LLGL2: variants seen among roughly 807,000 people sequenced by gnomAD.
LLGL2 encodes the protein LLGL2, scribble cell polarity complex component.
In LLGL2, 81 loss-of-function variants were observed where a neutral mutation model predicts 123.2. That is an observed-to-expected ratio of 0.66 (90% CI 0.55 to 0.79). The LOEUF is 0.79. Among genes scored for constraint, LLGL2 ranks in the 30% least tolerant of loss-of-function variants. The pLI is 0.00. For missense variants in LLGL2, 1,273 were observed against 1,414.6 expected, an observed-to-expected ratio of 0.90 and a Z score of 1.61; for synonymous variants, 577 against 594.1, an observed-to-expected ratio of 0.97 and a Z score of 0.42.
Position 75,558,667 on chromosome 17 carries a change from G to C in LLGL2, c.371+40G>C. The C allele has an allele frequency of 1.3e-6, 2 of 1,490,488 alleles. No homozygotes were observed. Among genetic ancestry groups the C allele is most frequent in the Non-Finnish European group, 1.8e-6 (2 of 1,090,908 alleles). 92.3% of individuals were successfully genotyped at this position (1,490,488 alleles called of 1,614,324 possible). ...CCCAGCCCCTTCCACTCCCAGCCCA[G>C]CCTGACCCTTGCCCTTAGCTCTGGA... On this transcript the variant is annotated intron_variant, in intron 5 of 25. Transcript: ENST00000392550. This position sits in a 1 kb window ranked among gnomAD's most constrained non-coding sequence, Gnocchi z 4.0.
rs773040901 is a variant in LLGL2 at position 75,563,794 on chromosome 17, C to A, written c.869C>A (p.Thr290Asn). The change falls in exon 9 of 26, where the codon ACC becomes AAC. Residue 290 changes from threonine (T) to asparagine (N), a missense_variant. Physicochemically the swap from Thr to Asn is moderately conservative, Grantham distance 65 (BLOSUM62 0). Coordinates refer to ENST00000392550, the MANE Select transcript of LLGL2 (RefSeq NM_001031803.2). ...GCGATTACCAGAATCCTCTGGCTGA[C>A]CACTAGGCAGGGGTAGGTATCCATG... is the stretch of plus-strand genomic sequence containing the variant. ...CKAITRILWL[T>N]TRQGLPFTIF... 16 of 1,613,994 alleles carry A rather than the reference C, an allele frequency of 9.9e-6. No individual in the cohort carries two copies. The South Asian group carries it at 1.5e-4, about 16-fold the overall frequency.
intron 1 of LLGL2, among the ~76,000 whole-genome samples, chr17:75,529,213 T>C (rs551785163): frequency 3.4e-4 from 52 of 152,122 alleles, no homozygotes; most frequent in Non-Finnish European, 6.6e-4. Context: ...TTTTTTTTTC[T>C]TTGAGACGAA....
Position 75,574,500 on chromosome 17 carries a change from G to T in LLGL2, c.2996+5G>T. The T allele has an allele frequency of 6.4e-7, 1 of 1,561,886 alleles. No homozygotes were observed. Among genetic ancestry groups the T allele is most frequent in the Non-Finnish European group, 8.7e-7 (1 of 1,154,330 alleles). Reference sequence around the variant, plus strand: ...CACACTGGAGGGAGACCGCGGGTGAGGCACCGCCCAGGCCAGCTGGGGTGG... The same window carrying T: ...CACACTGGAGGGAGACCGCGGGTGATGCACCGCCCAGGCCAGCTGGGGTGG... On this transcript the variant is annotated splice_donor_5th_base_variant and intron_variant, in intron 24 of 25. Coordinates refer to ENST00000392550, the MANE Select transcript of LLGL2 (RefSeq NM_001031803.2).
chr17:75,569,507 G>A (rs16968009), intron 14 of LLGL2, among the ~76,000 whole-genome samples, 182 bp downstream of exon 14: 13,075 of 152,212 alleles, frequency 0.086, 543 homozygotes, highest in Middle Eastern at 0.21. Flanking sequence ...TCCAGAAATC[G>A]GAATTAAGGG....
chr17:75,560,834 AAAG>A (rs1368196491), intron 6 of LLGL2, among the ~76,000 whole-genome samples: 5 of 83,402 alleles, frequency 6.0e-5, no homozygotes, highest in Admixed American at 9.8e-5. Context: ...AAAAAAAAAC[AAAG>A]AAAAAACATT....
intron 11 of LLGL2, 28 bp downstream of exon 11, chr17:75,568,721 GC>G (rs757944023): frequency 6.2e-7 from 1 of 1,613,054 alleles, no homozygotes; most frequent in African/African-American, 1.3e-5. Flanking sequence ...CCCAGCCCCA[GC>G]CCCACCGCAA....
rs769349711 is a variant in LLGL2, at chr17:75,570,065, G to C, written c.1684G>C (p.Glu562Gln). 5.0e-6 allele frequency: 8 copies of C among 1,612,508 alleles called. No individual in the cohort carries two copies. The highest frequency in any genetic ancestry group is 6.8e-6 in the Non-Finnish European group (8 of 1,179,768). ...AGAGGGCTACCGCTGGAAGGGGCACGAGCGCCTGGCAGCCCGCTCAGGGCC... is the reference window on the plus strand; with the variant it reads ...AGAGGGCTACCGCTGGAAGGGGCACCAGCGCCTGGCAGCCCGCTCAGGGCC... ...DQEGYRWKGH[E>Q]RLAARSGPVR... is the part of the protein sequence containing the mutation. The change falls in exon 15 of 26, where the codon GAG (glutamate) becomes CAG (glutamine). Residue 562 changes from glutamate (E) to glutamine (Q), a missense_variant. Physicochemically the swap from Glu to Gln is conservative, Grantham distance 29. Coordinates refer to ENST00000392550, the MANE Select transcript of LLGL2 (RefSeq NM_001031803.2).
At chr17:75,563,597 C>A in intron 8 of LLGL2, 134 bp downstream of exon 8, 1 of 1,486,670 alleles carries the variant, frequency 6.7e-7, no homozygotes, top group Non-Finnish European at 9.2e-7. Context: ...GCAGGGTTCG[C>A]CTCACCCAGT....
Position 75,574,858 on chromosome 17 carries a change from CTG to C in LLGL2, c.3056-9_3056-8del, listed in dbSNP as rs762514835. 46 of 1,613,930 alleles carry C rather than the reference CTG, an allele frequency of 2.9e-5. No homozygotes were observed. Among genetic ancestry groups the C allele is most frequent in the Middle Eastern group, 1.6e-4 (1 of 6,084 alleles). On this transcript the variant is annotated splice_polypyrimidine_tract_variant and intron_variant, in intron 25 of 25. Coordinates refer to ENST00000392550, the MANE Select transcript of LLGL2 (RefSeq NM_001031803.2). ...CCCAGGGTGATCTTGAGCTGTCCCT[CTG>C]TGTCCTTCAGCAGAGTGAGTGGCTG... is the stretch of plus-strand genomic sequence containing the variant.
intron 17 of LLGL2, chr17:75,571,388 G>A: frequency 1.7e-6 from 1 of 580,822 alleles, no homozygotes. Context: ...TGTAAATGAG[G>A]AAGTGACAGC....
Position 75,541,715 on chromosome 17 carries a change from C to CT in LLGL2, c.-30-1651dup, listed in dbSNP as rs56656168. Among the ~76,000 whole-genome samples the CT allele has an allele frequency of 2.9e-3, 93 of 31,546 alleles. 12 individuals carry two copies. Among genetic ancestry groups the CT allele is most frequent in the Admixed American group, 4.8e-3 (9 of 1,864 alleles). The allele number at this position is 31,546 out of a possible 152,430, so 20.7% of individuals were successfully genotyped here. The stretch of plus-strand genomic sequence containing the variant: ...TTCACTCAAGGGGGATGTGGCTCTG[C>CT]TTTTTTTTTTTTTTTTTTTTTTTTT... On this transcript the variant is annotated intron_variant, in intron 1 of 25. Coordinates refer to ENST00000392550, the MANE Select transcript of LLGL2 (RefSeq NM_001031803.2).
In LLGL2 at chr17:75,559,885, A is replaced by G. The variant is rs2055120853; in HGVS notation, c.530+475A>G. Among the ~76,000 whole-genome samples, 1 of 152,142 alleles carries G rather than the reference A, an allele frequency of 6.6e-6. No homozygotes were observed. The highest frequency in any genetic ancestry group is 2.4e-5 in the African/African-American group (1 of 41,426). ...TGTGGGTCTGTTGAGATCGTTTCAGAAGCTTTGCTCCTTGTTGATGATACT... is the reference window on the plus strand; with the variant it reads ...TGTGGGTCTGTTGAGATCGTTTCAGGAGCTTTGCTCCTTGTTGATGATACT... On this transcript the variant is annotated intron_variant, in intron 6 of 25. Coordinates refer to ENST00000392550, the MANE Select transcript of LLGL2 (RefSeq NM_001031803.2). This position sits in a 1 kb window ranked among gnomAD's most constrained non-coding sequence, Gnocchi z 4.6.
chr17:75,567,576 T>G (rs567104807), intron 10 of LLGL2, among the ~76,000 whole-genome samples: 1 of 150,890 alleles, frequency 6.6e-6, no homozygotes, highest in East Asian at 1.9e-4. Context: ...GAGGCGGAGG[T>G]TGCAGTGAGC....
At chr17:75,556,982 T>C (rs887749878) in intron 3 of LLGL2, among the ~76,000 whole-genome samples, 2 of 151,528 alleles carry the variant, frequency 1.3e-5, no homozygotes, top group African/African-American at 4.9e-5. Context: ...TGAGCCAAGA[T>C]TGTGCCACTG....
intron 2 of LLGL2, among the ~76,000 whole-genome samples, chr17:75,551,503 G>A (rs1314258810): frequency 6.6e-6 from 1 of 152,106 alleles, no homozygotes. Flanking sequence ...GGGAGGGGTG[G>A]CCACGATAAC....
At chr17:75,540,878 G>A (rs1379337805) in intron 1 of LLGL2, among the ~76,000 whole-genome samples, 1 of 152,200 alleles carries the variant, frequency 6.6e-6, no homozygotes, top group African/African-American at 2.4e-5. Flanking sequence ...AAAGGAGATG[G>A]CCAGGACATT....
At chr17:75,546,618 A>AGCCTGGAGCGGCACGT (rs2054438433) in intron 2 of LLGL2, among the ~76,000 whole-genome samples, 1 of 40,848 alleles carries the variant, frequency 2.4e-5, no homozygotes, top group African/African-American at 6.6e-5. Flanking sequence ...AGACAGGCGG[A>AGCCTGGAGCGGCACGT]GGGCAGGTCC....
Position 75,568,229 on chromosome 17 carries a change from G to A in LLGL2, c.1037-247G>A, listed in dbSNP as rs1183029964. 3.5e-6 allele frequency: 5 copies of A among 1,409,020 alleles called. 1 individual carries two copies. In the South Asian group the frequency reaches 6.3e-5, roughly 18 times the overall value. 87.3% of individuals were successfully genotyped at this position (1,409,020 alleles called of 1,614,324 possible). A position where few individuals can be genotyped will look rare whatever the true frequency, so the allele number is the denominator to read the frequency against. ...GGGTGCCTATCCTGGTTGGGACCCTGCCTTCCAGCCAGGTGTATCCCCCCA... is the reference window on the plus strand; with the variant it reads ...GGGTGCCTATCCTGGTTGGGACCCTACCTTCCAGCCAGGTGTATCCCCCCA... On this transcript the variant is annotated intron_variant, in intron 10 of 25. Coordinates refer to ENST00000392550, the MANE Select transcript of LLGL2 (RefSeq NM_001031803.2).
chr17:75,541,806 T>C (rs573265683), intron 1 of LLGL2, among the ~76,000 whole-genome samples: 1 of 136,922 alleles, frequency 7.3e-6, no homozygotes, highest in Admixed American at 7.9e-5. Flanking sequence ...CTTGGCTCAC[T>C]GCAACCTCCG....
Sources: gnomAD v4.1 joint callset for allele counts (sites outside exome capture counted in the v4.1 genomes callset) on GRCh38, gnomAD v4.1.1 for gene constraint, Gnocchi (gnomAD v3.1) non-coding constraint, MANE v1.5 for transcripts, NCBI Gene and HGNC (gene_info 2026-07-23, HGNC 2026-07-21) for gene names.